The following ZDHHC11B variants were observed in gnomAD, a reference collection of about 807,000 sequenced individuals.
ZDHHC11B encodes zDHHC palmitoyltransferase 11B (putative).
ZDHHC11B carries 17 observed loss-of-function variants against 42.3 expected under a neutral mutation model. The ratio of observed to expected loss-of-function variants is 0.40; its 90% CI spans 0.27 to 0.60. ZDHHC11B has a LOEUF of 0.60. Ranked by LOEUF, ZDHHC11B falls within the 20% of genes least tolerant of loss-of-function variation. ZDHHC11B has a pLI of 0.41. For synonymous variants in ZDHHC11B, 123 were observed against 193.5 expected, an observed-to-expected ratio of 0.64 and a Z score of 3.02; for missense variants, 262 against 463.2, an observed-to-expected ratio of 0.57 and a Z score of 3.99.
At chr5:770,046 G>A (rs374452871) in intron 1 of ZDHHC11B, among the ~76,000 whole-genome samples, 2 of 151,896 alleles carry the variant, frequency 1.3e-5, no homozygotes, top group Admixed American at 6.6e-5. Context: ...CCAGTCCTTC[G>A]AGGGGTCCCC....
At chr5:731,469 A>G (rs421718) in intron 11 of ZDHHC11B, among the ~76,000 whole-genome samples, 11,106 of 144,630 alleles carry the variant, frequency 0.077, 289 homozygotes, top group East Asian at 0.22. Context: ...CCCTGGTGGC[A>G]AATGATGTTG....
At chr5:759,635 C>T (rs28603336) in intron 4 of ZDHHC11B, among the ~76,000 whole-genome samples, 41,628 of 145,108 alleles carry the variant, frequency 0.29, 3,808 homozygotes, top group Middle Eastern at 0.34. Flanking sequence ...CGCGGGCACG[C>T]GGGCACTGAG....
In ZDHHC11B at chr5:752,956, C is replaced by A. The variant is rs1179432876; in HGVS notation, c.504-1699G>T. ...ACCAGAGACCACAGAGACCAAAGCC[C>A]ACAGGATGGGGCAGACCCATTCACG... On this transcript the variant is annotated intron_variant, in intron 6 of 13. Coordinates refer to ENST00000508859, the MANE Select transcript of ZDHHC11B (RefSeq NM_001351303.2). 3.2e-5 allele frequency among the ~76,000 whole-genome samples: 4 copies of A among 124,606 alleles called. 2 individuals carry two copies. The Admixed American group carries it at 3.8e-4, about 12-fold the overall frequency. The allele number at this position is 124,606 out of a possible 152,430, so 81.7% of individuals were successfully genotyped here.
At chr5:759,260 T>C (rs557933398) in intron 4 of ZDHHC11B, among the ~76,000 whole-genome samples, 8 of 151,950 alleles carry the variant, frequency 5.3e-5, no homozygotes, top group Non-Finnish European at 1.2e-4. Flanking sequence ...ACACACACCC[T>C]GCGCCCTTTG....
chr5:753,845 C>T (rs1746124947), intron 6 of ZDHHC11B, among the ~76,000 whole-genome samples: 1 of 147,402 alleles, frequency 6.8e-6, no homozygotes, highest in African/African-American at 2.5e-5. Flanking sequence ...TGACACCAGG[C>T]AACGTTGGTC....
intron 1 of ZDHHC11B, among the ~76,000 whole-genome samples, chr5:778,058 T>G (rs539081518): frequency 3.3e-5 from 5 of 151,974 alleles, no homozygotes; most frequent in Admixed American, 3.3e-4. Flanking sequence ...GCAGCCACCG[T>G]AGGACAGAGG....
intron 13 of ZDHHC11B, among the ~76,000 whole-genome samples, chr5:716,414 A>G (rs944733289): frequency 1.3e-5 from 2 of 151,822 alleles, no homozygotes; most frequent in African/African-American, 4.9e-5. Context: ...AAGCAGGGAT[A>G]GGTAGGATCA....
Position 750,875 on chromosome 5 carries a change from C to A in ZDHHC11B, c.628+258G>T, listed in dbSNP as rs555361664. Among the ~76,000 whole-genome samples, 22 of 125,982 alleles carry A rather than the reference C, an allele frequency of 1.7e-4. 3 individuals carry two copies. Among genetic ancestry groups the A allele is most frequent in the South Asian group, 1.7e-3 (5 of 2,864 alleles). 82.6% of individuals were successfully genotyped at this position (125,982 alleles called of 152,430 possible). A position where few individuals can be genotyped will look rare whatever the true frequency, so the allele number is the denominator to read the frequency against. ...GGGGCAGAGGTGGACCCCACTGTCT[C>A]TCGCCTGACACGACCTGGCAGCATC... On this transcript the variant is annotated intron_variant, in intron 7 of 13. Transcript: ENST00000508859.
chr5:728,503 G>T (rs1451954010), intron 12 of ZDHHC11B, among the ~76,000 whole-genome samples: 1 of 151,856 alleles, frequency 6.6e-6, no homozygotes. Flanking sequence ...CTAAGCCACG[G>T]TATATGCACA....
chr5:772,599 GAGA>G (rs1358328787), intron 1 of ZDHHC11B, among the ~76,000 whole-genome samples: 1,199 of 150,888 alleles, frequency 7.9e-3, no homozygotes, highest in African/African-American at 0.028. Flanking sequence ...GTCAACAGCC[GAGA>G]AGAAGTAGTA....
intron 12 of ZDHHC11B, among the ~76,000 whole-genome samples, chr5:722,660 C>T (rs1397032705): frequency 6.6e-6 from 1 of 151,674 alleles, no homozygotes; most frequent in African/African-American, 2.4e-5. Context: ...TAGGAATAGC[C>T]CCTGGAGAAA....
chr5:780,543 C>T (rs1736884843), intron 1 of ZDHHC11B, among the ~76,000 whole-genome samples: 2 of 146,170 alleles, frequency 1.4e-5, no homozygotes, highest in South Asian at 4.2e-4. Context: ...AAAGCCAAAG[C>T]ACAGTGCTCA....
At position 756,491 on chromosome 5, in the gene ZDHHC11B, GC is replaced by G. The variant is rs369380244; in HGVS notation, c.223-348del. On this transcript the variant is annotated intron_variant, in intron 4 of 13. Coordinates refer to ENST00000508859, the MANE Select transcript of ZDHHC11B (RefSeq NM_001351303.2). ...GTGCCAGTCGGGGACCGGGAAGGCT[GC>G]CCCCATGCCCCTTTTGGTTCATCCC... Among the ~76,000 whole-genome samples the G allele has an allele frequency of 2.2e-3, 327 of 151,620 alleles. 4 individuals carry two copies. The highest frequency in any genetic ancestry group is 7.5e-3 in the African/African-American group (310 of 41,166).
At chr5:770,068 G>T (rs572433895) in intron 1 of ZDHHC11B, among the ~76,000 whole-genome samples, 48 of 151,854 alleles carry the variant, frequency 3.2e-4, no homozygotes, top group African/African-American at 1.0e-3. Flanking sequence ...GGGGACTTGG[G>T]GGGCGTCCTG....
chr5:762,988 G>A (rs1734817811), intron 4 of ZDHHC11B, among the ~76,000 whole-genome samples: 1 of 151,916 alleles, frequency 6.6e-6, no homozygotes, highest in Non-Finnish European at 1.5e-5. Flanking sequence ...AGACCCTACA[G>A]ATGGGAAAAG....
chr5:769,524 G>A (rs1275304553), intron 1 of ZDHHC11B, among the ~76,000 whole-genome samples: 2 of 151,838 alleles, frequency 1.3e-5, no homozygotes, highest in Non-Finnish European at 2.9e-5. Flanking sequence ...CTGGGTGAAA[G>A]ACCACCAGCA....
chr5:739,091 A>G (rs1459665117), intron 10 of ZDHHC11B, among the ~76,000 whole-genome samples: 12 of 150,260 alleles, frequency 8.0e-5, no homozygotes, highest in African/African-American at 3.0e-4. Flanking sequence ...ACTCAAACAA[A>G]TCCGCAAAAA....
intron 1 of ZDHHC11B, among the ~76,000 whole-genome samples, chr5:770,258 T>C (rs1349390831): frequency 1.3e-5 from 2 of 150,092 alleles, no homozygotes; most frequent in African/African-American, 4.9e-5. Flanking sequence ...GGGCTGGGCG[T>C]GAGGCCCCTC....
At chr5:769,632 G>A (rs1419157343) in intron 1 of ZDHHC11B, among the ~76,000 whole-genome samples, 2 of 151,820 alleles carry the variant, frequency 1.3e-5, no homozygotes, top group African/African-American at 4.8e-5. Context: ...TCAAACCCAA[G>A]TGATCACACT....
Sources: allele counts gnomAD v4.1 joint callset (sites outside exome capture counted in the v4.1 genomes callset), GRCh38; gene constraint gnomAD v4.1.1; transcripts MANE v1.5; gene names NCBI Gene and HGNC (gene_info 2026-07-23, HGNC 2026-07-21).